The following MSANTD2 variants were observed in gnomAD, a reference collection of about 807,000 sequenced individuals.
MSANTD2 encodes the protein myb/SANT-like DNA-binding domain-containing protein 2.
Under a neutral mutation model 52.6 loss-of-function variants are expected in MSANTD2, and 19 were observed. The observed-to-expected ratio is 0.36, with a 90% CI of 0.25 to 0.53. The LOEUF (loss-of-function observed/expected upper bound fraction) is 0.53, where lower values mean the gene tolerates loss of function less well. Ranked by LOEUF, MSANTD2 falls within the 20% of genes least tolerant of loss-of-function variation. The pLI, the probability that MSANTD2 is intolerant of heterozygous loss-of-function variation, is 0.91. For synonymous variants in MSANTD2, 291 were observed against 289.7 expected (o/e 1.00, Z -0.04); for missense variants, 558 against 716.3 (o/e 0.78, Z 2.52).
chr11:124,788,025 G>T (rs373422390), intron 1 of MSANTD2, among the ~76,000 whole-genome samples: 8 of 150,724 alleles, frequency 5.3e-5, no homozygotes, highest in South Asian at 4.2e-4. Context: ...GCCTGGGGAG[G>T]TTGAGGTGAT....
At position 124,800,187 on chromosome 11, in the gene MSANTD2, C is replaced by A; in HGVS notation, c.194G>T (p.Gly65Val). 1.4e-6 allele frequency: 2 copies of A among 1,468,150 alleles called. No homozygotes were observed. The highest frequency in any genetic ancestry group is 2.6e-5 in the Admixed American group (1 of 39,056). The allele number at this position is 1,468,150 out of a possible 1,614,324, so 90.9% of individuals were successfully genotyped here. Residue 65 changes from glycine (G) to valine (V), a missense_variant, in exon 1 of 4, where the codon GGT (glycine) becomes GTT (valine). Physicochemically the swap from Gly to Val is moderately radical, Grantham distance 109. Around this residue, in one of 2 missense-constraint regions of MSANTD2, gnomAD observed 150 missense variants for 142.7 expected, o/e 1.05. Coordinates refer to ENST00000374979, the MANE Select transcript of MSANTD2 (RefSeq NM_001308027.2). The surrounding 1 kb of genome is among the most constrained non-coding windows in gnomAD (Gnocchi z 4.3). ...GCGGCCCCCCAGCCCCAGCCCGAGA[C>A]CCCCGGACGCCGCTGCCCCCGAGCC... Reference protein sequence around the residue: ...AAGSGAAASGGLGLGLGGRSA... With the variant: ...AAGSGAAASGVLGLGLGGRSA...
intron 1 of MSANTD2, among the ~76,000 whole-genome samples, chr11:124,788,806 T>C (rs191350019): frequency 6.6e-6 from 1 of 152,206 alleles, no homozygotes; most frequent in Non-Finnish European, 1.5e-5. Flanking sequence ...TATAAAATCA[T>C]GTAAATCATT....
At chr11:124,785,277 G>A (rs939692626) in intron 1 of MSANTD2, among the ~76,000 whole-genome samples, 1 of 152,220 alleles carries the variant, frequency 6.6e-6, no homozygotes, top group Non-Finnish European at 1.5e-5. Flanking sequence ...CCAACTGAGT[G>A]CTGAGATTTG....
At chr11:124,799,279 C>T (rs1363410651) in intron 1 of MSANTD2, among the ~76,000 whole-genome samples, 1 of 152,254 alleles carries the variant, frequency 6.6e-6, no homozygotes, top group Non-Finnish European at 1.5e-5. Context: ...AATACACAAT[C>T]TGGCTACAAT....
At chr11:124,784,564 C>T (rs1945096929) in intron 1 of MSANTD2, 1 of 985,292 alleles carries the variant, frequency 1.0e-6, no homozygotes, top group Non-Finnish European at 1.2e-6. Context: ...AAGGTGTTTC[C>T]ATTCATGAGA....
At chr11:124,784,986 T>C (rs1454851749) in intron 1 of MSANTD2, among the ~76,000 whole-genome samples, 1 of 152,210 alleles carries the variant, frequency 6.6e-6, no homozygotes, top group Non-Finnish European at 1.5e-5. Flanking sequence ...ATATCCTTTC[T>C]AAGAAAAACC....
At chr11:124,781,017 T>C (rs1245412403) in intron 1 of MSANTD2, among the ~76,000 whole-genome samples, 1 of 152,074 alleles carries the variant, frequency 6.6e-6, no homozygotes, top group Non-Finnish European at 1.5e-5. Flanking sequence ...ACCCCGTCTC[T>C]ACTAAAAAGA....
Position 124,799,872 on chromosome 11 carries a change from T to C in MSANTD2, c.509A>G (p.Lys170Arg). ...GCCCCAGGCCGGGCGGCCGGTTACCTTGATGCGCTCCCGGCACTGGGACGG... is the reference window on the plus strand; with the variant it reads ...GCCCCAGGCCGGGCGGCCGGTTACCCTGATGCGCTCCCGGCACTGGGACGG... ...RTPSQCRERIKTLRRCYSRVK... is the reference protein window; with the variant it reads ...RTPSQCRERIRTLRRCYSRVK... The change falls in exon 1 of 4, where the codon AAG (lysine) becomes AGG (arginine). Residue 170 changes from lysine to arginine, a missense_variant and splice_region_variant. By Grantham distance (26) the Lys-to-Arg change is conservative. Transcript: ENST00000374979. The C allele has an allele frequency of 6.3e-7, 1 of 1,577,138 alleles. No individual in the cohort carries two copies.
intron 1 of MSANTD2, chr11:124,790,510 T>C (rs563821180): frequency 2.0e-5 from 3 of 152,230 alleles, no homozygotes; most frequent in Non-Finnish European, 4.4e-5. Flanking sequence ...AAACAGGTCC[T>C]CGGTTTTGAT....
chr11:124,772,163 T>G (rs1944547781), intron 3 of MSANTD2, among the ~76,000 whole-genome samples: 1 of 152,216 alleles, frequency 6.6e-6, no homozygotes. Context: ...GCAACTGCTT[T>G]CTTCTCCAAA....
chr11:124,773,109 G>A, intron 2 of MSANTD2, 55 bp from the exon 3 acceptor site: 3 of 1,005,984 alleles, frequency 3.0e-6, no homozygotes, highest in Non-Finnish European at 4.7e-6. Flanking sequence ...TGGCATGCAT[G>A]TATGTAGATA....
Position 124,766,596 on chromosome 11 carries a change from A to T in MSANTD2, c.*580T>A, listed in dbSNP as rs1188448135. On this transcript the variant is annotated 3_prime_UTR_variant, in exon 4 of 4. Transcript: ENST00000374979. ...CACAGAAACAAAGGTCTTTGCAAGC[A>T]ATACTGATTGGAAATAGCAAAACAC... 2 of 152,628 alleles carry T rather than the reference A, an allele frequency of 1.3e-5. No individual in the cohort carries two copies. Among genetic ancestry groups the T allele is most frequent in the Non-Finnish European group, 2.9e-5 (2 of 68,054 alleles). The allele number at this position is 152,628 out of a possible 1,614,324, so 9.5% of individuals were successfully genotyped here.
At chr11:124,782,496 T>C (rs1040961301) in intron 1 of MSANTD2, among the ~76,000 whole-genome samples, 1 of 152,130 alleles carries the variant, frequency 6.6e-6, no homozygotes, top group Admixed American at 6.5e-5. Flanking sequence ...GTTCTGAACA[T>C]AAAAGAACCT....
intron 1 of MSANTD2, chr11:124,791,174 T>G: frequency 4.0e-6 from 4 of 996,960 alleles, no homozygotes; most frequent in Non-Finnish European, 6.2e-6. Context: ...GGAGCTGGTT[T>G]CAGGTTGGAA....
chr11:124,794,465 G>A (rs929091912), intron 1 of MSANTD2, among the ~76,000 whole-genome samples: 3 of 152,162 alleles, frequency 2.0e-5, no homozygotes, highest in African/African-American at 7.2e-5. Context: ...AGGTAACATT[G>A]GGATGGTAAC....
intron 1 of MSANTD2, among the ~76,000 whole-genome samples, chr11:124,777,607 A>G (rs1013106676): frequency 2.0e-5 from 3 of 152,250 alleles, no homozygotes; most frequent in African/African-American, 7.2e-5. Flanking sequence ...GACACATTTT[A>G]CAATTTATCA....
At chr11:124,786,591 T>C (rs184623052) in intron 1 of MSANTD2, among the ~76,000 whole-genome samples, 38 of 152,366 alleles carry the variant, frequency 2.5e-4, no homozygotes, top group Admixed American at 5.2e-4. Context: ...ATCATTTATC[T>C]GAGATCTTGA....
chr11:124,774,005 C>T lies in MSANTD2; in HGVS notation c.766+714G>A, dbSNP rs1404915834. Among the ~76,000 whole-genome samples the T allele has an allele frequency of 6.6e-6, 1 of 152,200 alleles. No homozygotes were observed. The highest frequency in any genetic ancestry group is 2.4e-5 in the African/African-American group (1 of 41,452). On this transcript the variant is annotated intron_variant, in intron 2 of 3. Coordinates refer to ENST00000374979, the MANE Select transcript of MSANTD2 (RefSeq NM_001308027.2). The surrounding 1 kb of genome is among the most constrained non-coding windows in gnomAD (Gnocchi z 5.1). The stretch of plus-strand genomic sequence containing the variant: ...GCATGTAATGCGCAAAGAAACAGAA[C>T]AATCCCACAACTACATATATACTCT...
At position 124,800,171 on chromosome 11, in the gene MSANTD2, C is replaced by G; in HGVS notation, c.210G>C (p.Leu70=). ...AAASGGLGLG[L]GGRSAASSSV... ...AGGACGAGGCGGCGCTGCGGCCCCCCAGCCCCAGCCCGAGACCCCCGGACG... is the reference window on the plus strand; with the variant it reads ...AGGACGAGGCGGCGCTGCGGCCCCCGAGCCCCAGCCCGAGACCCCCGGACG... Residue 70 remains leucine (L), a synonymous_variant, in exon 1 of 4, where the codon CTG becomes CTC. Transcript: ENST00000374979. The surrounding 1 kb of genome is among the most constrained non-coding windows in gnomAD (Gnocchi z 4.3). 6.8e-7 allele frequency: 1 copy of G among 1,466,810 alleles called. No homozygotes were observed. The highest frequency in any genetic ancestry group is 2.6e-5 in the Admixed American group (1 of 38,644). The allele number at this position is 1,466,810 out of a possible 1,614,324, so 90.9% of individuals were successfully genotyped here.
Sources: gnomAD v4.1 joint callset for allele counts (sites outside exome capture counted in the v4.1 genomes callset) on GRCh38, gnomAD v4.1.1 for gene constraint, gnomAD v4.1.1 regional missense constraint, Gnocchi (gnomAD v3.1) non-coding constraint, MANE v1.5 for transcripts, NCBI Gene and HGNC (gene_info 2026-07-23, HGNC 2026-07-21) for gene names.